NETO1: variants seen among roughly 807,000 people sequenced by gnomAD.
NETO1 encodes the protein neuropilin and tolloid like 1.
Under a neutral mutation model 61.3 loss-of-function variants are expected in NETO1, and 26 were observed. That is an observed-to-expected ratio of 0.42 (90% CI 0.31 to 0.59). The LOEUF (loss-of-function observed/expected upper bound fraction) is 0.59. NETO1 is among the 20% of genes least tolerant of loss of function. NETO1 has a pLI of 0.12. For synonymous variants in NETO1, 225 were observed against 225.8 expected (o/e 1.00, Z 0.03); for missense variants, 531 against 662.8 (o/e 0.80, Z 2.18).
chr18:72,749,772 G>T (rs150249048), intron 9 of NETO1, among the ~76,000 whole-genome samples: 65 of 152,006 alleles, frequency 4.3e-4, no homozygotes, highest in Non-Finnish European at 6.6e-4. Flanking sequence ...TAAATTAAAA[G>T]CCATCATTTT....
intron 4 of NETO1, among the ~76,000 whole-genome samples, chr18:72,839,632 C>G (rs2073858480): frequency 6.6e-6 from 1 of 152,100 alleles, no homozygotes; most frequent in Admixed American, 6.5e-5. Context: ...TCATTTGCCT[C>G]TAAAATGCCT....
At chr18:72,822,494 G>T (rs2073232022) in intron 4 of NETO1, among the ~76,000 whole-genome samples, 1 of 152,190 alleles carries the variant, frequency 6.6e-6, no homozygotes, top group Non-Finnish European at 1.5e-5. Context: ...GCCATTTGCA[G>T]GGGCAGTTTC....
At chr18:72,769,042 A>T (rs187549923) in intron 7 of NETO1, among the ~76,000 whole-genome samples, 1 of 152,182 alleles carries the variant, frequency 6.6e-6, no homozygotes, top group Non-Finnish European at 1.5e-5. Context: ...GCAAGCAGGG[A>T]CAGGAGAGGG....
At chr18:72,797,324 C>T (rs1490226538) in intron 4 of NETO1, among the ~76,000 whole-genome samples, 1 of 151,984 alleles carries the variant, frequency 6.6e-6, no homozygotes, top group Non-Finnish European at 1.5e-5. Context: ...TTATTTTTGT[C>T]TTTGTATTAA....
At chr18:72,824,363 G>A (rs758446392) in intron 4 of NETO1, among the ~76,000 whole-genome samples, 5 of 152,050 alleles carry the variant, frequency 3.3e-5, no homozygotes, top group Non-Finnish European at 5.9e-5. Context: ...ATACATTTGT[G>A]AGCCTCTATC....
At chr18:72,842,075 A>C (rs1019121007) in intron 4 of NETO1, among the ~76,000 whole-genome samples, 2 of 152,088 alleles carry the variant, frequency 1.3e-5, no homozygotes, top group African/African-American at 4.8e-5. Flanking sequence ...AAGATACTGC[A>C]CTGTATTTGC....
In NETO1 at chr18:72,829,044, AAATG is replaced by A. The variant is rs562329840; in HGVS notation, c.469+29778_469+29781del. 2.2e-4 allele frequency among the ~76,000 whole-genome samples: 33 copies of A among 152,336 alleles called. No homozygotes were observed. The South Asian group carries it at 3.3e-3, about 15-fold the overall frequency. ...AGAAAGACCATTCATTTGAGTGACC[AAATG>A]AAATGGGAAAAAGGAACACTCCAAT... On this transcript the variant is annotated intron_variant, in intron 4 of 10. Coordinates refer to ENST00000327305, the MANE Select transcript of NETO1 (RefSeq NM_138966.5).
intron 4 of NETO1, among the ~76,000 whole-genome samples, chr18:72,805,929 G>A (rs543496651): frequency 6.6e-6 from 1 of 152,112 alleles, no homozygotes; most frequent in Non-Finnish European, 1.5e-5. Context: ...TTTCAAAAAT[G>A]AATTTCAGAG....
intron 7 of NETO1, among the ~76,000 whole-genome samples, chr18:72,759,990 C>G (rs2070917891): frequency 6.6e-6 from 1 of 152,120 alleles, no homozygotes; most frequent in Non-Finnish European, 1.5e-5. Context: ...TAGAGCTTCC[C>G]ATTGACGTTA....
At chr18:72,798,117 G>C (rs2047168464) in intron 4 of NETO1, among the ~76,000 whole-genome samples, 1 of 152,198 alleles carries the variant, frequency 6.6e-6, no homozygotes, top group Admixed American at 6.5e-5. Context: ...CCAACCAGCT[G>C]TGGGCCACAC....
intron 4 of NETO1, among the ~76,000 whole-genome samples, chr18:72,821,686 G>A (rs931506777): frequency 1.4e-4 from 21 of 152,030 alleles, no homozygotes; most frequent in African/African-American, 4.8e-4. Context: ...TCATTGCATA[G>A]GGTGGCTATC....
At chr18:72,794,943 C>T (rs1313407981) in intron 4 of NETO1, among the ~76,000 whole-genome samples, 2 of 152,192 alleles carry the variant, frequency 1.3e-5, no homozygotes, top group African/African-American at 4.8e-5. Context: ...CTTTGGCGGA[C>T]TGAACAATCC....
chr18:72,821,235 A>T (rs1345387230), intron 4 of NETO1, among the ~76,000 whole-genome samples: 2 of 48,324 alleles, frequency 4.1e-5, no homozygotes, highest in Non-Finnish European at 7.4e-5. Flanking sequence ...CATATTAACT[A>T]AAAAAAAAAA....
chr18:72,841,599 T>C (rs141678620), intron 4 of NETO1, among the ~76,000 whole-genome samples: 4 of 151,736 alleles, frequency 2.6e-5, no homozygotes, highest in African/African-American at 7.3e-5. Context: ...CCGGGCATGG[T>C]AGTGTGCGCC....
At chr18:72,838,117 A>AGGAAAC (rs1304879488) in intron 4 of NETO1, among the ~76,000 whole-genome samples, 3 of 152,194 alleles carry the variant, frequency 2.0e-5, no homozygotes, top group African/African-American at 7.2e-5. Flanking sequence ...AGAAAGAAAA[A>AGGAAAC]GGAAACAAGC....
intron 4 of NETO1, among the ~76,000 whole-genome samples, chr18:72,842,466 A>C (rs552538009): frequency 6.6e-6 from 1 of 152,292 alleles, no homozygotes; most frequent in Admixed American, 6.5e-5. Context: ...GAAGTCAATA[A>C]TACCATAATT....
chr18:72,783,969 C>G (rs1223342397), intron 6 of NETO1, 63 bp from the exon 7 acceptor site: 2 of 1,127,672 alleles, frequency 1.8e-6, no homozygotes, highest in Non-Finnish European at 2.6e-6. Context: ...AGTATCAGAA[C>G]TCCTTTTCTC....
chr18:72,864,866 G>A lies in NETO1; in HGVS notation c.162C>T (p.Thr54=). Residue 54 remains threonine (T), a synonymous_variant, in exon 3 of 11, where the codon ACC becomes ACT. Coordinates refer to ENST00000327305, the MANE Select transcript of NETO1 (RefSeq NM_138966.5). ...WTKHAEGGIF[T]SPNYPSKYPP... is the part of the protein sequence containing the mutation. ...GATACTTGCTGGGATAGTTGGGAGA[G>A]GTAAAGATACCTCCCTCTGCATGTT... The A allele has an allele frequency of 6.2e-7, 1 of 1,613,810 alleles. No homozygotes were observed. The highest frequency in any genetic ancestry group is 8.5e-7 in the Non-Finnish European group (1 of 1,179,950).
Position 72,750,070 on chromosome 18 carries a change from G to T in NETO1, c.1533C>A (p.Ala511=), listed in dbSNP as rs770864798. 1.3e-5 allele frequency: 21 copies of T among 1,575,704 alleles called. No individual in the cohort carries two copies. The highest frequency in any genetic ancestry group is 4.4e-4 in the Middle Eastern group (2 of 4,582). Residue 511 remains alanine (A), a synonymous_variant, in exon 9 of 11, where the codon GCC becomes GCA. Coordinates refer to ENST00000327305, the MANE Select transcript of NETO1 (RefSeq NM_138966.5). Reference sequence around the variant, plus strand: ...AATCTATTGATACTGACCGCTGGACGGCTTTATCGTGTCTGGACAGCCTGT... The same window carrying T: ...AATCTATTGATACTGACCGCTGGACTGCTTTATCGTGTCTGGACAGCCTGT... ...TSHRLSRHDK[A]VQRFCLIGSL...
Sources: gnomAD v4.1 joint callset for allele counts (sites outside exome capture counted in the v4.1 genomes callset) on GRCh38, gnomAD v4.1.1 for gene constraint, MANE v1.5 for transcripts, NCBI Gene and HGNC (gene_info 2026-07-23, HGNC 2026-07-21) for gene names.